Variants in SLC35F5 observed in about 807,000 individuals in gnomAD.
SLC35F5 encodes HCV NS5A-transactivated protein 3.
In SLC35F5, 54 loss-of-function variants were observed where a neutral mutation model predicts 68.6. The ratio of observed to expected loss-of-function variants is 0.79; its 90% CI spans 0.63 to 0.99. The LOEUF is 0.99. Ranked by LOEUF, SLC35F5 falls within the 50% of genes least tolerant of loss-of-function variation. The probability of loss-of-function intolerance (pLI) is 0.00; values close to 1 mark genes in which losing one functional copy is unlikely to be tolerated. For synonymous variants in SLC35F5, 211 were observed against 205.2 expected (o/e 1.03, Z -0.24); for missense variants, 567 against 626.9 (o/e 0.90, Z 1.02).
intron 6 of SLC35F5, 121 bp downstream of exon 6, chr2:113,743,592 G>T: frequency 1.6e-6 from 1 of 640,026 alleles, no homozygotes; most frequent in Non-Finnish European, 2.7e-6. Context: ...GAAGACTATA[G>T]GCTGAGTCAA....
intron 4 of SLC35F5, among the ~76,000 whole-genome samples, chr2:113,748,929 G>A (rs1016228474): frequency 2.0e-5 from 3 of 152,104 alleles, no homozygotes; most frequent in African/African-American, 7.2e-5. Flanking sequence ...TCAGCCTCCC[G>A]AGCAGCTGGG....
At chr2:113,703,166 C>T (rs1354426879), downstream of SLC35F5, among the ~76,000 whole-genome samples, 3 of 147,318 alleles carry the variant, frequency 2.0e-5, no homozygotes, top group South Asian at 2.1e-4. Context: ...ATCTCTTTCT[C>T]TCTCTCTCTC....
In SLC35F5 at chr2:113,735,832, T is replaced by C. The variant is rs576219497; in HGVS notation, c.777A>G (p.Gln259=). The C allele has an allele frequency of 3.7e-6, 6 of 1,609,630 alleles. No individual in the cohort carries two copies. The highest frequency in any genetic ancestry group is 5.1e-6 in the Non-Finnish European group (6 of 1,178,396). ...FVWFLANLSY[Q]EALSDTQVAI... ...CAACTTGTGTGTCTGAAAGTGCTTC[T>C]TGATATGACAAATTTGCCAAAAACC... The change falls in exon 8 of 16, where the codon CAA becomes CAG. Residue 259 remains glutamine, a synonymous_variant. Coordinates refer to ENST00000245680, the MANE Select transcript of SLC35F5 (RefSeq NM_025181.5).
At chr2:113,717,029 T>G (rs1687208280) in intron 15 of SLC35F5, among the ~76,000 whole-genome samples, 1 of 152,180 alleles carries the variant, frequency 6.6e-6, no homozygotes, top group African/African-American at 2.4e-5. Flanking sequence ...CCTAAAGATG[T>G]CTTAGAAAAA....
chr2:113,742,943 T>G (rs1676344143), intron 6 of SLC35F5, 64 bp from the exon 7 acceptor site: 1 of 1,443,968 alleles, frequency 6.9e-7, no homozygotes, highest in Admixed American at 1.8e-5. Context: ...GTCACAAGTT[T>G]TAATTTACTG....
At chr2:113,736,043 A>G (rs779461214) in intron 7 of SLC35F5, among the ~76,000 whole-genome samples, 185 bp from the exon 8 acceptor site, 3 of 151,966 alleles carry the variant, frequency 2.0e-5, no homozygotes, top group Non-Finnish European at 4.4e-5. Context: ...CAGACCTAAG[A>G]CCATGCTACC....
chr2:113,750,325 T>C, intron 4 of SLC35F5, 100 bp downstream of exon 4: 1 of 1,198,076 alleles, frequency 8.3e-7, no homozygotes, highest in Non-Finnish European at 1.1e-6. Flanking sequence ...ACTGAACAAC[T>C]TAAAATATGA....
chr2:113,707,967 GT>G lies in SLC35F5; in HGVS notation c.*7250del, dbSNP rs1010124950. 1.3e-5 allele frequency among the ~76,000 whole-genome samples: 2 copies of G among 151,986 alleles called. No individual in the cohort carries two copies. The highest frequency in any genetic ancestry group is 1.3e-4 in the Admixed American group (2 of 15,252). Reference sequence around the variant, plus strand: ...TTATCAGATATTTCATGTTCTACTAGTAAAGGGAATTCGCATTTTCAATGTC... The same window carrying G: ...TTATCAGATATTTCATGTTCTACTAGAAAGGGAATTCGCATTTTCAATGTC... On this transcript the variant is annotated 3_prime_UTR_variant, in exon 16 of 16. Coordinates refer to ENST00000245680, the MANE Select transcript of SLC35F5 (RefSeq NM_025181.5).
At chr2:113,704,325 A>G (rs1001228511), downstream of SLC35F5, among the ~76,000 whole-genome samples, 3 of 152,222 alleles carry the variant, frequency 2.0e-5, no homozygotes, top group African/African-American at 7.2e-5. Context: ...AGGTTCTCCA[A>G]GTCCCCACCA....
At chr2:113,716,418 G>A (rs1687186662) in intron 15 of SLC35F5, among the ~76,000 whole-genome samples, 1 of 152,172 alleles carries the variant, frequency 6.6e-6, no homozygotes, top group Non-Finnish European at 1.5e-5. Flanking sequence ...TCAGTCATAA[G>A]TAACAATTTT....
chr2:113,708,276 T>C lies in SLC35F5; in HGVS notation c.*6942A>G, dbSNP rs1686857082. On this transcript the variant is annotated 3_prime_UTR_variant, in exon 16 of 16. Transcript: ENST00000245680. ...GGGAAAGGTAAAAGAACCCCGGTTG[T>C]GATTATTTTTTTCTAACAAAATGGA... Among the ~76,000 whole-genome samples, 2 of 152,218 alleles carry C rather than the reference T, an allele frequency of 1.3e-5. No homozygotes were observed. The highest frequency in any genetic ancestry group is 2.4e-5 in the African/African-American group (1 of 41,462).
chr2:113,729,932 C>T (rs554646631), intron 10 of SLC35F5, among the ~76,000 whole-genome samples: 2 of 152,242 alleles, frequency 1.3e-5, no homozygotes, highest in African/African-American at 2.4e-5. Flanking sequence ...GTCTTCCTTA[C>T]CCCCATATAT....
Position 113,712,284 on chromosome 2 carries a change from C to T in SLC35F5, c.*2934G>A, listed in dbSNP as rs964256739. ...GGTGCATTACATAAACCTAATGGTT[C>T]TTCTAAGCTTCAAAAAGCATTCATT... On this transcript the variant is annotated 3_prime_UTR_variant, in exon 16 of 16. Transcript: ENST00000245680. 5.3e-5 allele frequency among the ~76,000 whole-genome samples: 8 copies of T among 151,822 alleles called. No individual in the cohort carries two copies. Among genetic ancestry groups the T allele is most frequent in the Admixed American group, 4.6e-4 (7 of 15,232 alleles).
chr2:113,706,851 C>T lies in SLC35F5; in HGVS notation c.*8367G>A, dbSNP rs1450320880. ...AATAGAATATACAAATGATTTTACA[C>T]AAATGAAGCATTAAAAATCACAAAT... On this transcript the variant is annotated 3_prime_UTR_variant, in exon 16 of 16. Coordinates refer to ENST00000245680, the MANE Select transcript of SLC35F5 (RefSeq NM_025181.5). Among the ~76,000 whole-genome samples the T allele has an allele frequency of 6.6e-6, 1 of 152,106 alleles. No individual in the cohort carries two copies. The highest frequency in any genetic ancestry group is 1.5e-5 in the Non-Finnish European group (1 of 68,006).
intron 11 of SLC35F5, 166 bp from the exon 12 acceptor site, chr2:113,725,703 C>T (rs779197023): frequency 2.2e-5 from 12 of 536,032 alleles, no homozygotes; most frequent in East Asian, 6.9e-5. Context: ...AATAGCTCAA[C>T]GCCATAGAAA....
At chr2:113,724,305 C>T (rs1687574256) in intron 12 of SLC35F5, among the ~76,000 whole-genome samples, 1 of 152,066 alleles carries the variant, frequency 6.6e-6, no homozygotes, top group African/African-American at 2.4e-5. Context: ...TAAGGTGGAT[C>T]CAATTTAGCT....
At position 113,707,586 on chromosome 2, in the gene SLC35F5, G is replaced by T. The variant is rs1338344614; in HGVS notation, c.*7632C>A. ...TTATTTCTTATTTTTTTGAAACAGG[G>T]TCTCGCTCTGTCACCCAGGCTGGAG... On this transcript the variant is annotated 3_prime_UTR_variant, in exon 16 of 16. Transcript: ENST00000245680. Among the ~76,000 whole-genome samples the T allele has an allele frequency of 1.3e-5, 2 of 151,956 alleles. No individual in the cohort carries two copies. The highest frequency in any genetic ancestry group is 2.9e-5 in the Non-Finnish European group (2 of 67,984).
At chr2:113,728,217 T>C (rs115769427) in intron 11 of SLC35F5, among the ~76,000 whole-genome samples, 89 of 152,364 alleles carry the variant, frequency 5.8e-4, no homozygotes, top group African/African-American at 2.1e-3. Flanking sequence ...TTCAGCCTCA[T>C]GGCTTTTCAA....
intron 6 of SLC35F5, among the ~76,000 whole-genome samples, chr2:113,743,446 G>A (rs1011146808): frequency 1.3e-5 from 2 of 152,146 alleles, no homozygotes; most frequent in Non-Finnish European, 2.9e-5. Flanking sequence ...ATATAAGCGT[G>A]TGATGCATGT....
Sources: gnomAD v4.1 joint callset for allele counts (sites outside exome capture counted in the v4.1 genomes callset) on GRCh38, gnomAD v4.1.1 for gene constraint, MANE v1.5 for transcripts, NCBI Gene and HGNC (gene_info 2026-07-23, HGNC 2026-07-21) for gene names.